LRRC1: variants seen among roughly 807,000 people sequenced by gnomAD.
LRRC1 encodes the protein leucine rich repeat containing 1.
LRRC1 carries 28 observed loss-of-function variants against 69.9 expected under a neutral mutation model. The observed-to-expected ratio is 0.40, with a 90% CI of 0.30 to 0.55. The LOEUF is 0.55. LRRC1 is among the 20% of genes least tolerant of loss of function. LRRC1 has a pLI of 0.47. For synonymous variants in LRRC1, 236 were observed against 240.2 expected, an observed-to-expected ratio of 0.98 and a Z score of 0.16; for missense variants, 498 against 609.0, an observed-to-expected ratio of 0.82 and a Z score of 1.92.
chr6:53,853,338 G>A (rs1048742183), intron 2 of LRRC1, among the ~76,000 whole-genome samples: 5 of 148,440 alleles, frequency 3.4e-5, no homozygotes, highest in African/African-American at 7.5e-5. Context: ...AGGCTGGAGC[G>A]CAATGGTGTG....
At chr6:53,919,229 C>G (rs1216822000) in intron 11 of LRRC1, 1 of 72,272 alleles carries the variant, frequency 1.4e-5, no homozygotes, top group African/African-American at 5.3e-5. Flanking sequence ...TTTTCTCTCT[C>G]TTTTTTTTTT....
intron 2 of LRRC1, among the ~76,000 whole-genome samples, chr6:53,874,790 T>C (rs1472959674): frequency 1.3e-5 from 2 of 152,170 alleles, no homozygotes; most frequent in African/African-American, 4.8e-5. Context: ...ATGTCCAAAA[T>C]AAATGAATTT....
In LRRC1 at chr6:53,908,685, C is replaced by T. The variant is rs144714966; in HGVS notation, c.990+4223C>T. On this transcript the variant is annotated intron_variant, in intron 10 of 13. Transcript: ENST00000370888. ...CTGATCTTCAAGAAGGTAAAAGCAGCCTTTACTTTCTTGAAAGGGGGCAGG... is the reference window on the plus strand; with the variant it reads ...CTGATCTTCAAGAAGGTAAAAGCAGTCTTTACTTTCTTGAAAGGGGGCAGG... Among the ~76,000 whole-genome samples, 301 of 152,172 alleles carry T rather than the reference C, an allele frequency of 2.0e-3. 4 individuals carry two copies. The East Asian group carries it at 0.041, about 21-fold the overall frequency.
At position 53,896,807 on chromosome 6, in the gene LRRC1, CTTTA is replaced by C. The variant is rs771781853; in HGVS notation, c.504-14_504-11del. Reference sequence around the variant, plus strand: ...CATTTCTAAGTATTCTCTAAGTGCTCTTTATTTATTTTTTAAAATAGCTCTCTTA... The same window carrying C: ...CATTTCTAAGTATTCTCTAAGTGCTCTTTATTTTTTAAAATAGCTCTCTTA... On this transcript the variant is annotated intron_variant, in intron 5 of 13. Coordinates refer to ENST00000370888, the MANE Select transcript of LRRC1 (RefSeq NM_018214.5). 4 of 1,511,734 alleles carry C rather than the reference CTTTA, an allele frequency of 2.6e-6. No homozygotes were observed. In the South Asian group the frequency reaches 3.4e-5, roughly 13 times the overall value. 93.6% of individuals were successfully genotyped at this position (1,511,734 alleles called of 1,614,324 possible). A position where few individuals can be genotyped will look rare whatever the true frequency, so the allele number is the denominator to read the frequency against.
intron 9 of LRRC1, 72 bp from the exon 10 acceptor site, chr6:53,904,307 C>G: frequency 1.1e-6 from 1 of 904,920 alleles, no homozygotes; most frequent in South Asian, 1.5e-5. Flanking sequence ...TAGGTCCTTG[C>G]AAAGATCTTA....
At chr6:53,850,062 C>CTTT (rs11408594) in intron 2 of LRRC1, among the ~76,000 whole-genome samples, 2,528 of 145,236 alleles carry the variant, frequency 0.017, 78 homozygotes, top group African/African-American at 0.055. Context: ...AATAAGATTT[C>CTTT]TTTTTTTTTT....
At chr6:53,800,286 C>T (rs1444596673) in intron 1 of LRRC1, among the ~76,000 whole-genome samples, 2 of 113,148 alleles carry the variant, frequency 1.8e-5, no homozygotes, top group Admixed American at 1.3e-4. Context: ...CGAAGTCTCT[C>T]TGTCACCCAG....
intron 1 of LRRC1, among the ~76,000 whole-genome samples, chr6:53,818,085 T>C (rs1169344295): frequency 6.6e-6 from 1 of 152,222 alleles, no homozygotes. Flanking sequence ...TACATCCCTT[T>C]TCCAGGTCTG....
chr6:53,902,541 A>G (rs953422504), intron 8 of LRRC1, 88 bp from the exon 9 acceptor site: 8 of 747,568 alleles, frequency 1.1e-5, no homozygotes, highest in Non-Finnish European at 1.7e-5. Context: ...TAAAACAAAA[A>G]GAACAGCAGA....
chr6:53,822,793 A>G (rs1765152199), intron 1 of LRRC1, among the ~76,000 whole-genome samples: 1 of 152,202 alleles, frequency 6.6e-6, no homozygotes, highest in African/African-American at 2.4e-5. Flanking sequence ...AAGAACAGCT[A>G]CATAAAGAAT....
chr6:53,879,124 G>A (rs1474987932), intron 3 of LRRC1, 53 bp downstream of exon 3: 4 of 1,212,398 alleles, frequency 3.3e-6, no homozygotes. Context: ...TCTTTTTTGA[G>A]AGCCAAGCGG....
intron 1 of LRRC1, among the ~76,000 whole-genome samples, chr6:53,798,721 T>C (rs932040311): frequency 1.3e-5 from 2 of 152,234 alleles, no homozygotes; most frequent in East Asian, 1.9e-4. Context: ...TGACACCCAA[T>C]AGGTCTTGCT....
intron 11 of LRRC1, among the ~76,000 whole-genome samples, chr6:53,917,912 T>C (rs997527589): frequency 6.6e-6 from 1 of 152,258 alleles, no homozygotes; most frequent in Admixed American, 6.5e-5. Flanking sequence ...TCCTCGCATT[T>C]GAGTTTACAT....
intron 1 of LRRC1, among the ~76,000 whole-genome samples, chr6:53,800,247 CTTTTTTTTT>C (rs55960000): frequency 6.7e-5 from 6 of 89,552 alleles, no homozygotes; most frequent in East Asian, 7.0e-4. Flanking sequence ...GTTTCTTTTT[CTTTTTTTTT>C]TTTTTTTTTT....
intron 7 of LRRC1, 51 bp from the exon 8 acceptor site, chr6:53,899,696 G>A (rs1368857991): frequency 3.2e-6 from 5 of 1,581,296 alleles, no homozygotes; most frequent in Non-Finnish European, 4.3e-6. Context: ...AAATGCCTCT[G>A]CACTGTGGCA....
intron 11 of LRRC1, among the ~76,000 whole-genome samples, chr6:53,916,180 C>G (rs983977707): frequency 6.6e-6 from 1 of 152,194 alleles, no homozygotes; most frequent in Admixed American, 6.5e-5. Flanking sequence ...TACTTAGACT[C>G]TCTCCCATAG....
At chr6:53,841,730 A>G (rs1015418487) in intron 1 of LRRC1, among the ~76,000 whole-genome samples, 1 of 152,098 alleles carries the variant, frequency 6.6e-6, no homozygotes, top group Non-Finnish European at 1.5e-5. Flanking sequence ...TAAAATTTAA[A>G]TAATATTTTT....
At chr6:53,899,543 G>C (rs1243212064) in intron 7 of LRRC1, among the ~76,000 whole-genome samples, 4 of 150,080 alleles carry the variant, frequency 2.7e-5, no homozygotes, top group Admixed American at 6.7e-5. Context: ...ATCCCTCCCA[G>C]CTCTGGGTCT....
intron 2 of LRRC1, among the ~76,000 whole-genome samples, chr6:53,847,761 A>G (rs921931357): frequency 7.2e-5 from 11 of 152,202 alleles, no homozygotes; most frequent in Non-Finnish European, 1.3e-4. Context: ...TCTAAAACCA[A>G]TCTCGAACCC....
Sources: allele counts gnomAD v4.1 joint callset (sites outside exome capture counted in the v4.1 genomes callset), GRCh38; gene constraint gnomAD v4.1.1; transcripts MANE v1.5; gene names NCBI Gene and HGNC (gene_info 2026-07-23, HGNC 2026-07-21).